Variants in PTPRZ1 observed in about 807,000 individuals in gnomAD.
The protein encoded by PTPRZ1 is receptor-type tyrosine-protein phosphatase zeta.
In PTPRZ1, 82 loss-of-function variants were observed where a neutral mutation model predicts 214.1. That is an observed-to-expected ratio of 0.38 (90% CI 0.32 to 0.46). The LOEUF (loss-of-function observed/expected upper bound fraction) is 0.46, where lower values mean the gene tolerates loss of function less well. Among genes scored for constraint, PTPRZ1 ranks in the 20% least tolerant of loss-of-function variants. The pLI, the probability that PTPRZ1 is intolerant of heterozygous loss-of-function variation, is 1.00. For synonymous variants in PTPRZ1, 945 were observed against 987.9 expected (o/e 0.96, Z 0.81); for missense variants, 2,603 against 2,748.7 (o/e 0.95, Z 1.19).
rs1584738079 is a variant in PTPRZ1, at chr7:122,010,494, C to T, written c.1448C>T (p.Pro483Leu). 5 of 1,614,068 alleles carry T rather than the reference C, an allele frequency of 3.1e-6. No individual in the cohort carries two copies. Among genetic ancestry groups the T allele is most frequent in the Non-Finnish European group, 4.2e-6 (5 of 1,179,970 alleles). The change falls in exon 12 of 30, where the codon CCA becomes CTA. Residue 483 changes from proline to leucine, a missense_variant. Physicochemically the swap from Pro to Leu is moderately conservative, Grantham distance 98. Transcript: ENST00000393386. ...AATGAAGCCAAGACTAACCGATCCC[C>T]AACAAGAGGAAGTGAATTCTCTGGA... is the stretch of plus-strand genomic sequence containing the variant. ...KYNEAKTNRS[P>L]TRGSEFSGKG...
chr7:122,007,992 GGGT>G (rs2116645818), intron 11 of PTPRZ1, among the ~76,000 whole-genome samples: 1 of 152,226 alleles, frequency 6.6e-6, no homozygotes, highest in South Asian at 2.1e-4. Flanking sequence ...CACCCTCACT[GGGT>G]TCTGAGAGGT....
chr7:121,899,714 A>G (rs1794902999), intron 1 of PTPRZ1, among the ~76,000 whole-genome samples: 1 of 152,190 alleles, frequency 6.6e-6, no homozygotes, highest in Non-Finnish European at 1.5e-5. Context: ...TGTGCAAGTC[A>G]GACTGGGGCT....
At chr7:122,038,934 G>A (rs1799631946) in intron 19 of PTPRZ1, 45 bp downstream of exon 19, 2 of 1,598,090 alleles carry the variant, frequency 1.3e-6, no homozygotes, top group South Asian at 2.2e-5. Context: ...AGTAATTAGA[G>A]GTACTTTAAA....
chr7:121,873,496 G>T lies in PTPRZ1; in HGVS notation c.-4G>T, dbSNP rs1562993890. 1 of 1,613,888 alleles carries T rather than the reference G, an allele frequency of 6.2e-7. No homozygotes were observed. Among genetic ancestry groups the T allele is most frequent in the African/African-American group, 1.3e-5 (1 of 75,056 alleles). On this transcript the variant is annotated 5_prime_UTR_variant, in exon 1 of 30. Coordinates refer to ENST00000393386, the MANE Select transcript of PTPRZ1 (RefSeq NM_002851.3). ...CACGGCGAGGGGCCGCAGACCGTCT[G>T]GAAATGCGAATCCTAAAGCGTTTCC...
At chr7:121,996,152 C>G (rs1798126673) in intron 8 of PTPRZ1, among the ~76,000 whole-genome samples, 1 of 152,044 alleles carries the variant, frequency 6.6e-6, no homozygotes, top group South Asian at 2.1e-4. Flanking sequence ...AGCATTTGAC[C>G]AAGACCTTTC....
intron 1 of PTPRZ1, among the ~76,000 whole-genome samples, chr7:121,911,119 T>C (rs1017261517): frequency 6.6e-6 from 1 of 152,126 alleles, no homozygotes; most frequent in African/African-American, 2.4e-5. Flanking sequence ...TGCTTTGAAC[T>C]ATAAAAGCTC....
At chr7:121,916,046 C>T (rs765582425) in intron 1 of PTPRZ1, among the ~76,000 whole-genome samples, 5 of 151,890 alleles carry the variant, frequency 3.3e-5, no homozygotes, top group African/African-American at 7.3e-5. Context: ...GAGGCCGAGG[C>T]GGGCAGATCA....
rs776609211 is a variant in PTPRZ1, at chr7:121,996,444, A to T, written c.991A>T (p.Thr331Ser). The T allele has an allele frequency of 6.2e-7, 1 of 1,613,558 alleles. No homozygotes were observed. The highest frequency in any genetic ancestry group is 1.1e-5 in the South Asian group (1 of 90,966). The change falls in exon 9 of 30, where the codon ACA becomes TCA. Residue 331 changes from threonine (T) to serine (S), a missense_variant. Physicochemically the swap from Thr to Ser is moderately conservative, Grantham distance 58. This residue lies in a region of PTPRZ1 where 244 missense variants were observed against 333.2 expected (regional missense o/e 0.73). Transcript: ENST00000393386. ...DPENYTSLLV[T>S]WERPRVVYDT... ...AGAGAATTATACCAGCCTTCTTGTT[A>T]CATGGGAAAGACCTCGAGTCGTTTA... is the stretch of plus-strand genomic sequence containing the variant.
Position 122,036,593 on chromosome 7 carries a change from A to G in PTPRZ1, c.5285-7A>G. 1 of 1,573,218 alleles carries G rather than the reference A, an allele frequency of 6.4e-7. No individual in the cohort carries two copies. Among genetic ancestry groups the G allele is most frequent in the Non-Finnish European group, 8.7e-7 (1 of 1,143,504 alleles). ...CTACAATGAAATATATTCTCTTTAT[A>G]TTACAGATGATCATAGCAGGGTTAA... On this transcript the variant is annotated splice_polypyrimidine_tract_variant and splice_region_variant and intron_variant, in intron 17 of 29. Transcript: ENST00000393386.
At chr7:121,998,765 A>G (rs963017511) in intron 10 of PTPRZ1, among the ~76,000 whole-genome samples, 4 of 152,194 alleles carry the variant, frequency 2.6e-5, no homozygotes, top group Non-Finnish European at 4.4e-5. Context: ...GTATATATAC[A>G]TATGTATAAT....
rs746502251 is a variant in PTPRZ1, at chr7:122,053,894, C to CT, written c.6253-15dup. ...CATACGCCAGTGCTGTTTTTGTCTT[C>CT]TCTTTGGTTTTGTAGGGCTATTACC... On this transcript the variant is annotated splice_polypyrimidine_tract_variant and intron_variant, in intron 25 of 29. Coordinates refer to ENST00000393386, the MANE Select transcript of PTPRZ1 (RefSeq NM_002851.3). 1.9e-6 allele frequency: 3 copies of CT among 1,611,000 alleles called. No homozygotes were observed. In the South Asian group the frequency reaches 3.3e-5, roughly 18 times the overall value.
At chr7:122,032,653 C>A (rs1393941954) in intron 15 of PTPRZ1, among the ~76,000 whole-genome samples, 2 of 152,014 alleles carry the variant, frequency 1.3e-5, no homozygotes, top group African/African-American at 4.8e-5. Flanking sequence ...GGACTCACAC[C>A]CATCATTATT....
intron 2 of PTPRZ1, among the ~76,000 whole-genome samples, chr7:121,958,122 G>A (rs745955244): frequency 3.3e-5 from 5 of 151,544 alleles, no homozygotes; most frequent in African/African-American, 7.3e-5. Flanking sequence ...TCCTTCTTTC[G>A]TTCACAGCAA....
At chr7:121,921,873 C>T (rs967514441) in intron 1 of PTPRZ1, among the ~76,000 whole-genome samples, 1 of 152,066 alleles carries the variant, frequency 6.6e-6, no homozygotes, top group Non-Finnish European at 1.5e-5. Flanking sequence ...GTATTATAGC[C>T]TAAACAAACC....
chr7:121,902,375 A>G (rs1794988079), intron 1 of PTPRZ1, among the ~76,000 whole-genome samples: 1 of 152,208 alleles, frequency 6.6e-6, no homozygotes, highest in Non-Finnish European at 1.5e-5. Context: ...TTGGATATAT[A>G]CCCAGCAGTG....
At chr7:122,060,959 C>A in intron 29 of PTPRZ1, 121 bp from the exon 30 acceptor site, 2 of 876,094 alleles carry the variant, frequency 2.3e-6, no homozygotes, top group Non-Finnish European at 3.2e-6. Context: ...TATAACAGTG[C>A]CCTTAACACA....
intron 2 of PTPRZ1, among the ~76,000 whole-genome samples, chr7:121,935,950 C>T (rs1248212944): frequency 1.3e-5 from 2 of 152,182 alleles, no homozygotes; most frequent in Non-Finnish European, 2.9e-5. Context: ...GAGAAAATTA[C>T]ATGGCTAATT....
intron 25 of PTPRZ1, among the ~76,000 whole-genome samples, chr7:122,052,476 A>T (rs972802942): frequency 6.6e-6 from 1 of 152,200 alleles, no homozygotes; most frequent in Non-Finnish European, 1.5e-5. Flanking sequence ...AAGGTCAATC[A>T]ATCACGGAGC....
Position 122,028,534 on chromosome 7 carries a change from G to T in PTPRZ1, c.4989-18G>T. 6.6e-7 allele frequency: 1 copy of T among 1,504,622 alleles called. No individual in the cohort carries two copies. Among genetic ancestry groups the T allele is most frequent in the Non-Finnish European group, 9.2e-7 (1 of 1,083,364 alleles). 93.2% of individuals were successfully genotyped at this position (1,504,622 alleles called of 1,614,324 possible). ...TCCATAGCAACTAGTAGTATAAATT[G>T]TGTTCTTTTATTTCCAGGAAATGCT... On this transcript the variant is annotated intron_variant, in intron 13 of 29. Coordinates refer to ENST00000393386, the MANE Select transcript of PTPRZ1 (RefSeq NM_002851.3).
Sources: allele counts gnomAD v4.1 joint callset (sites outside exome capture counted in the v4.1 genomes callset), GRCh38; gene constraint gnomAD v4.1.1; regional missense constraint gnomAD v4.1.1; transcripts MANE v1.5; gene names NCBI Gene and HGNC (gene_info 2026-07-23, HGNC 2026-07-21).